Variants in NUFIP2 observed in about 807,000 individuals in gnomAD.
The protein encoded by NUFIP2 is nuclear FMR1 interacting protein 2.
Under a neutral mutation model 56.9 loss-of-function variants are expected in NUFIP2, and 6 were observed. The observed-to-expected ratio is 0.11, with a 90% confidence interval of 0.06 to 0.21. NUFIP2 has a LOEUF of 0.21. Ranked by LOEUF, NUFIP2 falls within the 10% of genes least tolerant of loss-of-function variation. The pLI, the probability that NUFIP2 is intolerant of heterozygous loss-of-function variation, is 1.00. For synonymous variants in NUFIP2, 321 were observed against 298.2 expected, an observed-to-expected ratio of 1.08 and a Z score of -0.79; for missense variants, 828 against 826.8, an observed-to-expected ratio of 1.00 and a Z score of -0.02.
At chr17:29,283,796 T>C (rs1050571866) in intron 2 of NUFIP2, among the ~76,000 whole-genome samples, 2 of 152,202 alleles carry the variant, frequency 1.3e-5, no homozygotes, top group Non-Finnish European at 2.9e-5. Context: ...GAAGCATTTA[T>C]CTTTTTGCCC....
At chr17:29,266,419 C>A (rs1415491498) in intron 3 of NUFIP2, among the ~76,000 whole-genome samples, 1 of 151,968 alleles carries the variant, frequency 6.6e-6, no homozygotes, top group Non-Finnish European at 1.5e-5. Flanking sequence ...CTGGGCCTCA[C>A]TTTCCTAATA....
intron 2 of NUFIP2, among the ~76,000 whole-genome samples, chr17:29,277,909 A>T (rs1446080464): frequency 1.3e-5 from 2 of 152,130 alleles, no homozygotes; most frequent in African/African-American, 2.4e-5. Context: ...GCTACTCAGG[A>T]GGCTGAGGCA....
chr17:29,288,034 C>T (rs1185504946), intron 1 of NUFIP2, among the ~76,000 whole-genome samples: 2 of 152,154 alleles, frequency 1.3e-5, no homozygotes, highest in Non-Finnish European at 2.9e-5. Flanking sequence ...ATCACTCTCA[C>T]AAGGCTGTTA....
At chr17:29,291,405 T>A (rs2069212537) in intron 1 of NUFIP2, among the ~76,000 whole-genome samples, 1 of 152,196 alleles carries the variant, frequency 6.6e-6, no homozygotes, top group Non-Finnish European at 1.5e-5. Flanking sequence ...TACCTCAACA[T>A]GTTACAGATA....
intron 2 of NUFIP2, among the ~76,000 whole-genome samples, chr17:29,283,905 A>C (rs1224616798): frequency 6.6e-6 from 1 of 152,216 alleles, no homozygotes; most frequent in East Asian, 1.9e-4. Context: ...GGATTCCTAA[A>C]CTTCCATTAA....
At chr17:29,267,613 C>A in intron 2 of NUFIP2, 83 bp from the exon 3 acceptor site, 1 of 843,082 alleles carries the variant, frequency 1.2e-6, no homozygotes, top group East Asian at 2.7e-5. Flanking sequence ...ATCTAAAAAT[C>A]CTAGACTGAT....
intron 3 of NUFIP2, among the ~76,000 whole-genome samples, chr17:29,265,424 TC>T (rs2069029496): frequency 6.8e-6 from 1 of 146,290 alleles, no homozygotes; most frequent in African/African-American, 2.5e-5. Flanking sequence ...TGCCTCAGCC[TC>T]CCGAGTAGCT....
chr17:29,292,533 G>T (rs1354783822), intron 1 of NUFIP2, among the ~76,000 whole-genome samples: 1 of 151,424 alleles, frequency 6.6e-6, no homozygotes, highest in Non-Finnish European at 1.5e-5. Flanking sequence ...ACTCGTGACC[G>T]GGGAGCTGGG....
At chr17:29,271,503 C>A (rs1455006651) in intron 2 of NUFIP2, among the ~76,000 whole-genome samples, 1 of 151,618 alleles carries the variant, frequency 6.6e-6, no homozygotes, top group Non-Finnish European at 1.5e-5. Flanking sequence ...TGCCACTGCA[C>A]CCCAGCCTGG....
chr17:29,289,828 A>G (rs1277279607), intron 1 of NUFIP2, among the ~76,000 whole-genome samples: 2 of 152,240 alleles, frequency 1.3e-5, no homozygotes, highest in Admixed American at 1.3e-4. Flanking sequence ...CTTCTCCTGT[A>G]TTAAAGTAAC....
chr17:29,276,305 A>G (rs911923066), intron 2 of NUFIP2, among the ~76,000 whole-genome samples: 1 of 152,130 alleles, frequency 6.6e-6, no homozygotes, highest in African/African-American at 2.4e-5. Context: ...TCCAGGCACA[A>G]TAAACAGACT....
chr17:29,269,046 G>T (rs1369583611), intron 2 of NUFIP2, among the ~76,000 whole-genome samples: 1 of 151,890 alleles, frequency 6.6e-6, no homozygotes, highest in Non-Finnish European at 1.5e-5. Context: ...AGCTTCAGGG[G>T]GCTATATATA....
At chr17:29,285,970 G>A in intron 2 of NUFIP2, 22 bp downstream of exon 2, 2 of 1,559,014 alleles carry the variant, frequency 1.3e-6, no homozygotes, top group Non-Finnish European at 1.7e-6. Flanking sequence ...AAAAATCTTT[G>A]TATAGGAAAC....
At chr17:29,269,893 T>G (rs2069061373) in intron 2 of NUFIP2, among the ~76,000 whole-genome samples, 1 of 152,046 alleles carries the variant, frequency 6.6e-6, no homozygotes, top group African/African-American at 2.4e-5. Context: ...GCTAATTTTT[T>G]GTATTTTTAG....
rs1319106839 is a variant in NUFIP2, at chr17:29,257,869, CAGACTA to C, written c.*6664_*6669del. 1.3e-5 allele frequency: 2 copies of C among 152,132 alleles called. No individual in the cohort carries two copies. The highest frequency in any genetic ancestry group is 4.8e-5 in the African/African-American group (2 of 41,422). The allele number at this position is 152,132 out of a possible 1,614,324, so 9.4% of individuals were successfully genotyped here. A position where few individuals can be genotyped will look rare whatever the true frequency, so the allele number is the denominator to read the frequency against. On this transcript the variant is annotated 3_prime_UTR_variant, in exon 4 of 4. Transcript: ENST00000225388. ...TTTCCCACTACAGGACAGCCACTAA[CAGACTA>C]AGAACAAAAAAGATACAACAAAAAA...
At chr17:29,265,906 C>T (rs1389960663) in intron 3 of NUFIP2, among the ~76,000 whole-genome samples, 1 of 152,084 alleles carries the variant, frequency 6.6e-6, no homozygotes, top group African/African-American at 2.4e-5. Flanking sequence ...GAAGAACATG[C>T]TCATTCCTAA....
chr17:29,271,922 A>G (rs1440369655), intron 2 of NUFIP2, among the ~76,000 whole-genome samples: 5 of 151,634 alleles, frequency 3.3e-5, no homozygotes, highest in African/African-American at 4.8e-5. Context: ...AACACAAAAA[A>G]GTTAGCCAAG....
intron 2 of NUFIP2, among the ~76,000 whole-genome samples, chr17:29,284,721 A>G (rs1285201338): frequency 4.0e-5 from 6 of 150,766 alleles, no homozygotes; most frequent in East Asian, 1.9e-4. Context: ...AAAAAAAAAA[A>G]AAAAAAGAAA....
chr17:29,280,328 C>G (rs1179738154), intron 2 of NUFIP2, among the ~76,000 whole-genome samples: 2 of 152,190 alleles, frequency 1.3e-5, no homozygotes, highest in African/African-American at 4.8e-5. Context: ...AAGTTAGGAT[C>G]TAGTGTTCAA....
Sources: allele counts gnomAD v4.1 joint callset (sites outside exome capture counted in the v4.1 genomes callset), GRCh38; gene constraint gnomAD v4.1.1; transcripts MANE v1.5; gene names NCBI Gene and HGNC (gene_info 2026-07-23, HGNC 2026-07-21).